STON2: variants seen among roughly 807,000 people sequenced by gnomAD.
STON2 encodes the protein stonin-2.
In STON2, 29 loss-of-function variants were observed where a neutral mutation model predicts 65.7. The ratio of observed to expected loss-of-function variants is 0.44; its 90% CI spans 0.33 to 0.60. STON2 has a LOEUF of 0.60. Ranked by LOEUF, STON2 falls within the 20% of genes least tolerant of loss-of-function variation. The probability of loss-of-function intolerance (pLI) is 0.03; values close to 1 mark genes in which losing one functional copy is unlikely to be tolerated. For synonymous variants in STON2, 404 were observed against 414.2 expected (o/e 0.98, Z 0.30); for missense variants, 1,054 against 1,118.1 (o/e 0.94, Z 0.82).
At chr14:81,434,857 C>T (rs1362818423) in intron 1 of STON2, among the ~76,000 whole-genome samples, 1 of 152,130 alleles carries the variant, frequency 6.6e-6, no homozygotes, top group African/African-American at 2.4e-5. Context: ...CCAGACCACC[C>T]AGGTCAGGCA....
rs564652691 is a variant in STON2 at position 81,261,945 on chromosome 14, A to T, written c.*6469T>A. 2.8e-3 allele frequency: 405 copies of T among 143,572 alleles called. No homozygotes were observed. The highest frequency in any genetic ancestry group is 0.021 in the African/African-American group (311 of 14,624). The allele number at this position is 143,572 out of a possible 1,614,324, so 8.9% of individuals were successfully genotyped here. On this transcript the variant is annotated 3_prime_UTR_variant, in exon 8 of 8. Transcript: ENST00000614646. ...TGTTTCTGTTGTCTGGGGAAATGAT[A>T]AAAAAAAAAAAAAAAAAGAGAGAGA...
chr14:81,433,653 G>T (rs2139936319), intron 1 of STON2, among the ~76,000 whole-genome samples: 1 of 152,314 alleles, frequency 6.6e-6, no homozygotes, highest in East Asian at 1.9e-4. Flanking sequence ...CTACTTCTGA[G>T]CAGACTTTAG....
chr14:81,400,678 A>G (rs1359351558), upstream of STON2, among the ~76,000 whole-genome samples: 1 of 152,144 alleles, frequency 6.6e-6, no homozygotes, highest in Non-Finnish European at 1.5e-5. Context: ...GAAAGGTTTT[A>G]AAGATCAACA....
intron 5 of STON2, among the ~76,000 whole-genome samples, chr14:81,319,477 C>T (rs1896744921): frequency 6.6e-6 from 1 of 152,098 alleles, no homozygotes; most frequent in Non-Finnish European, 1.5e-5. Flanking sequence ...GGATTTTTCC[C>T]ATCTAGCATC....
intron 5 of STON2, among the ~76,000 whole-genome samples, chr14:81,297,844 G>T (rs1340913623): frequency 6.6e-6 from 1 of 152,186 alleles, no homozygotes; most frequent in Non-Finnish European, 1.5e-5. Flanking sequence ...TTTGAGACCA[G>T]CCTGACCAAC....
chr14:81,277,578 T>C lies in STON2; in HGVS notation c.1904A>G (p.Glu635Gly). ...TCCTTTGCTCACAATGCCAGAGAAT[T>C]CATCTCTGACATCCACTGTAATCTC... Reference protein sequence around the residue: ...EEEITVDVRDEFSGIVSKGDN... With the variant: ...EEEITVDVRDGFSGIVSKGDN... The change falls in exon 6 of 8, where the codon GAA becomes GGA. Residue 635 changes from glutamate (E) to glycine (G), a missense_variant. Glu to Gly is a moderately conservative substitution (Grantham distance 98). Transcript: ENST00000614646. 6.2e-7 allele frequency: 1 copy of C among 1,614,052 alleles called. No individual in the cohort carries two copies. The highest frequency in any genetic ancestry group is 8.5e-7 in the Non-Finnish European group (1 of 1,179,924).
chr14:81,398,629 T>G (rs1900452311), intron 1 of STON2, 49 bp from the exon 2 acceptor site: 1 of 410,114 alleles, frequency 2.4e-6, no homozygotes, highest in African/African-American at 2.0e-5. Flanking sequence ...AACCATCACA[T>G]TACACTGAAT....
At chr14:81,371,688 A>G (rs1039501976) in intron 3 of STON2, among the ~76,000 whole-genome samples, 2 of 145,594 alleles carry the variant, frequency 1.4e-5, no homozygotes, top group Non-Finnish European at 3.0e-5. Context: ...AAAAAAAAAA[A>G]AAAGAAAAGA....
At chr14:81,387,515 T>C (rs184037470) in intron 3 of STON2, among the ~76,000 whole-genome samples, 1 of 152,288 alleles carries the variant, frequency 6.6e-6, no homozygotes, top group African/African-American at 2.4e-5. Context: ...TCAAGGGGTA[T>C]GATTCCATAT....
chr14:81,318,761 T>C (rs191790511), intron 5 of STON2, among the ~76,000 whole-genome samples: 3 of 152,294 alleles, frequency 2.0e-5, no homozygotes, highest in African/African-American at 7.2e-5. Context: ...TGAGACACAA[T>C]ACTCACTTGA....
intron 4 of STON2, among the ~76,000 whole-genome samples, chr14:81,327,480 C>T (rs912705951): frequency 5.3e-5 from 8 of 152,070 alleles, no homozygotes; most frequent in Admixed American, 3.9e-4. Flanking sequence ...ATTTGATTTT[C>T]GGACAGACTA....
At chr14:81,337,680 G>A (rs542295962) in intron 4 of STON2, among the ~76,000 whole-genome samples, 41 of 152,268 alleles carry the variant, frequency 2.7e-4, no homozygotes, top group African/African-American at 9.1e-4. Context: ...AGCCTAAGAC[G>A]TCAGCAAGTA....
Position 81,325,553 on chromosome 14 carries a change from T to C in STON2, c.572-1366A>G, listed in dbSNP as rs1896976156. On this transcript the variant is annotated intron_variant, in intron 4 of 7. Coordinates refer to ENST00000614646, the MANE Select transcript of STON2 (RefSeq NM_001394390.1). ...CTATTATTCTTAACAATCTGTCCCA[T>C]TCCCCAGAGGTAACCACTGTTAGCA... Among the ~76,000 whole-genome samples, 3 of 152,208 alleles carry C rather than the reference T, an allele frequency of 2.0e-5. 1 individual carries two copies. In the South Asian group the frequency reaches 6.2e-4, roughly 31 times the overall value.
chr14:81,329,687 T>C (rs139730693), intron 4 of STON2, among the ~76,000 whole-genome samples: 44 of 152,146 alleles, frequency 2.9e-4, no homozygotes, highest in Non-Finnish European at 5.9e-4. Context: ...ACAGCAGCCC[T>C]AGGAAACTAA....
In STON2 at chr14:81,370,863, A is replaced by G. The variant is rs546642738; in HGVS notation, c.571+125T>C. 4.9e-5 allele frequency: 42 copies of G among 854,216 alleles called. No homozygotes were observed. The African/African-American group carries it at 6.4e-4, about 13-fold the overall frequency. 52.9% of individuals were successfully genotyped at this position (854,216 alleles called of 1,614,324 possible). A position where few individuals can be genotyped will look rare whatever the true frequency, so the allele number is the denominator to read the frequency against. On this transcript the variant is annotated intron_variant, in intron 4 of 7. Transcript: ENST00000614646. ...CTTTGGGTTCTAGCTTTTTGACTGG[A>G]TAACAACACCTGAACTCATTCTGCA...
At chr14:81,398,148 A>G in intron 2 of STON2, 147 bp downstream of exon 2, 1 of 594,810 alleles carries the variant, frequency 1.7e-6, no homozygotes, top group South Asian at 2.6e-5. Context: ...TCCACTTAGG[A>G]TTCTAAGATC....
chr14:81,326,500 T>C (rs1253883102), intron 4 of STON2, among the ~76,000 whole-genome samples: 1 of 152,206 alleles, frequency 6.6e-6, no homozygotes, highest in Non-Finnish European at 1.5e-5. Flanking sequence ...AATGAAACAA[T>C]TTTAAAATGT....
rs893112908 is a variant in STON2 at position 81,379,030 on chromosome 14, A to T, written c.374-7845T>A. Among the ~76,000 whole-genome samples, 5 of 152,182 alleles carry T rather than the reference A, an allele frequency of 3.3e-5. No homozygotes were observed. In the East Asian group the frequency reaches 9.6e-4, roughly 29 times the overall value. On this transcript the variant is annotated intron_variant, in intron 3 of 7. Transcript: ENST00000614646. ...TCTTCTGTTCAACATCATATTTATG[A>T]TCAGAGCCTGCACAGTAAGGCAGGA... is the stretch of plus-strand genomic sequence containing the variant.
Position 81,363,525 on chromosome 14 carries a change from G to C in STON2, c.571+7463C>G, listed in dbSNP as rs192583817. Among the ~76,000 whole-genome samples the C allele has an allele frequency of 1.8e-3, 277 of 151,700 alleles. 1 individual carries two copies. The highest frequency in any genetic ancestry group is 3.1e-3 in the Non-Finnish European group (211 of 67,916). ...ATTAGAGTTTTTTGGTTTTAATAAGGATTAAAATCTAAAATGCACAACAAA... is the reference window on the plus strand; with the variant it reads ...ATTAGAGTTTTTTGGTTTTAATAAGCATTAAAATCTAAAATGCACAACAAA... On this transcript the variant is annotated intron_variant, in intron 4 of 7. Transcript: ENST00000614646.
Sources: allele counts gnomAD v4.1 joint callset (sites outside exome capture counted in the v4.1 genomes callset), GRCh38; gene constraint gnomAD v4.1.1; transcripts MANE v1.5; gene names NCBI Gene and HGNC (gene_info 2026-07-23, HGNC 2026-07-21).